ABL2: variants seen among roughly 807,000 people sequenced by gnomAD.
ABL2 encodes tyrosine-protein kinase ABL2.
In ABL2, 49 loss-of-function variants were observed where a neutral mutation model predicts 107.7. The ratio of observed to expected loss-of-function variants is 0.45; its 90% CI spans 0.36 to 0.58. The LOEUF (loss-of-function observed/expected upper bound fraction) is 0.58. ABL2 is among the 20% of genes least tolerant of loss of function. ABL2 has a pLI of 0.00. For synonymous variants in ABL2, 549 were observed against 548.6 expected, an observed-to-expected ratio of 1.00 and a Z score of -0.01; for missense variants, 1,245 against 1,457.0, an observed-to-expected ratio of 0.85 and a Z score of 2.37.
chr1:179,178,694 A>G (rs1660198077), intron 1 of ABL2, among the ~76,000 whole-genome samples: 1 of 152,032 alleles, frequency 6.6e-6, no homozygotes, highest in South Asian at 2.1e-4. Context: ...GTTCAAGACA[A>G]GTCTGGCCAA....
chr1:179,209,627 A>G (rs879620799), intron 1 of ABL2, among the ~76,000 whole-genome samples: 1 of 152,160 alleles, frequency 6.6e-6, no homozygotes, highest in Non-Finnish European at 1.5e-5. Context: ...CCCATCTGTA[A>G]TTCAAATATA....
intron 1 of ABL2, among the ~76,000 whole-genome samples, chr1:179,180,327 A>T (rs1419301380): frequency 6.6e-6 from 1 of 151,878 alleles, no homozygotes; most frequent in Non-Finnish European, 1.5e-5. Context: ...AAATCAATAA[A>T]AGCTGGTAAG....
chr1:179,175,040 T>A lies in ABL2; in HGVS notation c.158-41666A>T, dbSNP rs915471897. On this transcript the variant is annotated intron_variant, in intron 1 of 11. Coordinates refer to ENST00000502732, the MANE Select transcript of ABL2 (RefSeq NM_007314.4). Reference sequence around the variant, plus strand: ...GTCTTTCCCCCATGGAATTCTTAGTTTTTTTAAAAAAATAGTATTTTAAAA... The same window carrying A: ...GTCTTTCCCCCATGGAATTCTTAGTATTTTTAAAAAAATAGTATTTTAAAA... Among the ~76,000 whole-genome samples, 5 of 151,868 alleles carry A rather than the reference T, an allele frequency of 3.3e-5. 1 individual carries two copies. The highest frequency in any genetic ancestry group is 7.4e-5 in the Non-Finnish European group (5 of 67,972).
At chr1:179,140,052 A>G (rs1214702346) in intron 1 of ABL2, among the ~76,000 whole-genome samples, 3 of 152,160 alleles carry the variant, frequency 2.0e-5, no homozygotes, top group Non-Finnish European at 4.4e-5. Flanking sequence ...TTCTCAACAT[A>G]CCAGCCATCT....
At chr1:179,196,240 T>G (rs1250816086) in intron 1 of ABL2, among the ~76,000 whole-genome samples, 1 of 152,210 alleles carries the variant, frequency 6.6e-6, no homozygotes, top group Non-Finnish European at 1.5e-5. Flanking sequence ...TTGTCTTGTT[T>G]TTGGAGTTCT....
intron 1 of ABL2, among the ~76,000 whole-genome samples, chr1:179,167,854 G>A (rs1196296883): frequency 1.3e-5 from 2 of 152,098 alleles, no homozygotes; most frequent in Non-Finnish European, 2.9e-5. Flanking sequence ...GGTGGCAGGC[G>A]CCAGTAATCC....
rs796235709 is a variant in ABL2, at chr1:179,100,539, A to T, written c.*7179T>A. Reference sequence around the variant, plus strand: ...GGTGCCTAATTCCGAAGCAAATTTAAGCAAGTTCTGACTACACAAACTCCT... The same window carrying T: ...GGTGCCTAATTCCGAAGCAAATTTATGCAAGTTCTGACTACACAAACTCCT... On this transcript the variant is annotated 3_prime_UTR_variant, in exon 12 of 12. Coordinates refer to ENST00000502732, the MANE Select transcript of ABL2 (RefSeq NM_007314.4). The T allele has an allele frequency of 5.7e-5, 13 of 229,168 alleles. No homozygotes were observed. Among genetic ancestry groups the T allele is most frequent in the African/African-American group, 2.7e-4 (12 of 45,276 alleles). The allele number at this position is 229,168 out of a possible 1,614,324, so 14.2% of individuals were successfully genotyped here. A position where few individuals can be genotyped will look rare whatever the true frequency, so the allele number is the denominator to read the frequency against.
rs28914540 is a variant in ABL2 at position 179,120,455 on chromosome 1, G to A, written c.961-181C>T. Among the ~76,000 whole-genome samples, 997 of 151,918 alleles carry A rather than the reference G, an allele frequency of 6.6e-3. 17 individuals carry two copies. The highest frequency in any genetic ancestry group is 0.023 in the African/African-American group (964 of 41,442). On this transcript the variant is annotated intron_variant, in intron 5 of 11. Coordinates refer to ENST00000502732, the MANE Select transcript of ABL2 (RefSeq NM_007314.4). ...AATTTAATTTATTTTTTTGAGACACGGTCTCGCTCTGTTACCCAGGTTGGG... is the reference window on the plus strand; with the variant it reads ...AATTTAATTTATTTTTTTGAGACACAGTCTCGCTCTGTTACCCAGGTTGGG...
chr1:179,181,818 T>C (rs1320622765), intron 1 of ABL2, among the ~76,000 whole-genome samples: 1 of 152,066 alleles, frequency 6.6e-6, no homozygotes, highest in Non-Finnish European at 1.5e-5. Flanking sequence ...TCTCACTCTA[T>C]TGCCCCGGCT....
chr1:179,173,727 G>T (rs887863428), intron 1 of ABL2, among the ~76,000 whole-genome samples: 1 of 152,108 alleles, frequency 6.6e-6, no homozygotes, highest in Non-Finnish European at 1.5e-5. Context: ...TTTAGGCAGA[G>T]AATCTACAGA....
chr1:179,204,570 AC>A (rs1047560090), intron 1 of ABL2, among the ~76,000 whole-genome samples: 24 of 150,112 alleles, frequency 1.6e-4, no homozygotes, highest in Admixed American at 3.3e-4. Flanking sequence ...ACATGGCAAA[AC>A]CCCCTCTCTA....
At chr1:179,167,807 C>A (rs1039094939) in intron 1 of ABL2, among the ~76,000 whole-genome samples, 1 of 152,202 alleles carries the variant, frequency 6.6e-6, no homozygotes, top group Admixed American at 6.5e-5. Context: ...TGGCAAAACT[C>A]AGTCTCTACT....
intron 1 of ABL2, among the ~76,000 whole-genome samples, chr1:179,228,343 T>C (rs746698925): frequency 9.3e-5 from 14 of 151,238 alleles, no homozygotes; most frequent in Non-Finnish European, 1.9e-4. Flanking sequence ...CGAGACTCTG[T>C]CTCAAAAAAA....
intron 1 of ABL2, among the ~76,000 whole-genome samples, chr1:179,151,175 T>A (rs1423976697): frequency 1.3e-5 from 2 of 152,260 alleles, no homozygotes; most frequent in East Asian, 1.9e-4. Flanking sequence ...ACTTGCAATA[T>A]CTCCAAGGTA....
chr1:179,194,684 T>A (rs996402805), intron 1 of ABL2, among the ~76,000 whole-genome samples: 3 of 152,200 alleles, frequency 2.0e-5, no homozygotes, highest in Admixed American at 1.3e-4. Context: ...ACCACCCAGC[T>A]AAGCCACTCT....
chr1:179,164,365 C>A (rs1219747359), intron 1 of ABL2, among the ~76,000 whole-genome samples: 2 of 152,122 alleles, frequency 1.3e-5, no homozygotes, highest in East Asian at 3.8e-4. Context: ...TTTTAAATTT[C>A]CACACTTATT....
Position 179,112,330 on chromosome 1 carries a change from G to A in ABL2, c.1630C>T (p.His544Tyr). 6.2e-7 allele frequency: 1 copy of A among 1,613,750 alleles called. No homozygotes were observed. Among genetic ancestry groups the A allele is most frequent in the South Asian group, 1.1e-5 (1 of 91,052 alleles). Residue 544 changes from histidine to tyrosine, a missense_variant, in exon 10 of 12, where the codon CAT (histidine) becomes TAT (tyrosine). By Grantham distance (83) the His-to-Tyr change is moderately conservative. This residue lies in a region of ABL2 where 320 missense variants were observed against 547.0 expected (regional missense o/e 0.59). Coordinates refer to ENST00000502732, the MANE Select transcript of ABL2 (RefSeq NM_007314.4). Reference protein sequence around the residue: ...ETHQAFETMFHDSSISEEVAE... With the variant: ...ETHQAFETMFYDSSISEEVAE... Reference sequence around the variant, plus strand: ...TCACCTTCAGAAATGCTGGAGTCATGGAACATGGTTTCAAAAGCTTGGTGT... The same window carrying A: ...TCACCTTCAGAAATGCTGGAGTCATAGAACATGGTTTCAAAAGCTTGGTGT...
chr1:179,133,264 T>C (rs1336517500), intron 2 of ABL2, 48 bp downstream of exon 2: 17 of 1,612,182 alleles, frequency 1.1e-5, no homozygotes, highest in Non-Finnish European at 1.4e-5. Context: ...TCTCCATCTC[T>C]ACTGCCAATG....
chr1:179,227,917 G>A (rs1330785053), intron 1 of ABL2, among the ~76,000 whole-genome samples: 3 of 151,980 alleles, frequency 2.0e-5, no homozygotes, highest in Non-Finnish European at 2.9e-5. Flanking sequence ...CGGGTGTGGT[G>A]GCGGGCGCCT....
Sources: gnomAD v4.1 joint callset for allele counts (sites outside exome capture counted in the v4.1 genomes callset) on GRCh38, gnomAD v4.1.1 for gene constraint, gnomAD v4.1.1 regional missense constraint, MANE v1.5 for transcripts, NCBI Gene and HGNC (gene_info 2026-07-23, HGNC 2026-07-21) for gene names.